The following KAT6B variants were observed in gnomAD, a reference collection of about 807,000 sequenced individuals.
KAT6B encodes histone acetyltransferase KAT6B.
In KAT6B, 10 loss-of-function variants were observed where a neutral mutation model predicts 187.5. The ratio of observed to expected loss-of-function variants is 0.05; its 90% CI spans 0.03 to 0.09. The LOEUF is 0.09. KAT6B is among the 10% of genes least tolerant of loss of function. The probability of loss-of-function intolerance (pLI) is 1.00; values close to 1 mark genes in which losing one functional copy is unlikely to be tolerated. For synonymous variants in KAT6B, 861 were observed against 926.8 expected (o/e 0.93, Z 1.29); for missense variants, 1,952 against 2,558.9 (o/e 0.76, Z 5.12).
intron 3 of KAT6B, among the ~76,000 whole-genome samples, chr10:74,893,610 C>T (rs2132666890): frequency 6.6e-6 from 1 of 151,732 alleles, no homozygotes; most frequent in Non-Finnish European, 1.5e-5. Context: ...GCTGGGATTA[C>T]AGGCATGCAC....
chr10:74,869,000 A>G (rs576111751), intron 3 of KAT6B, among the ~76,000 whole-genome samples: 2 of 152,330 alleles, frequency 1.3e-5, no homozygotes, highest in Admixed American at 6.5e-5. Context: ...CAGTTTTACA[A>G]TGAAGCTTAA....
intron 3 of KAT6B, among the ~76,000 whole-genome samples, chr10:74,899,931 A>T (rs1407494974): frequency 6.6e-6 from 1 of 152,212 alleles, no homozygotes; most frequent in Non-Finnish European, 1.5e-5. Flanking sequence ...ATTACACATG[A>T]AACAGTAAGA....
At chr10:74,849,530 T>C (rs1842334225) in intron 3 of KAT6B, among the ~76,000 whole-genome samples, 1 of 152,298 alleles carries the variant, frequency 6.6e-6, no homozygotes, top group Non-Finnish European at 1.5e-5. Flanking sequence ...TGATCTCAAG[T>C]GATCCGCCTG....
chr10:74,935,788 C>T (rs1010712469), intron 3 of KAT6B, among the ~76,000 whole-genome samples: 3 of 152,188 alleles, frequency 2.0e-5, no homozygotes, highest in Non-Finnish European at 2.9e-5. Flanking sequence ...TATGTATGGA[C>T]ACTTGCATGC....
At position 74,843,276 on chromosome 10, in the gene KAT6B, C is replaced by T; in HGVS notation, c.419C>T (p.Thr140Ile). 1 of 1,614,054 alleles carries T rather than the reference C, an allele frequency of 6.2e-7. No homozygotes were observed. Among genetic ancestry groups the T allele is most frequent in the Non-Finnish European group, 8.5e-7 (1 of 1,180,012 alleles). The change falls in exon 3 of 18, where the codon ACA becomes ATA. Residue 140 changes from threonine to isoleucine, a missense_variant. Thr to Ile is a moderately conservative substitution (Grantham distance 89, BLOSUM62 -1). Transcript: ENST00000287239. ...EKYLRSQSDLTSTTNNPAFQQ... is the reference protein window; with the variant it reads ...EKYLRSQSDLISTTNNPAFQQ... ...TATCTCAGAAGTCAAAGTGATCTCA[C>T]AAGCACCACCAACAACCCAGCCTTT...
Position 74,970,013 on chromosome 10 carries a change from A to C in KAT6B, c.847-7A>C. On this transcript the variant is annotated splice_polypyrimidine_tract_variant and splice_region_variant and intron_variant, in intron 5 of 17. Transcript: ENST00000287239. Reference sequence around the variant, plus strand: ...TCTCAATTAGTCTCTAATATGTTATATTACAGGATAATATGCTTTTTTGTG... The same window carrying C: ...TCTCAATTAGTCTCTAATATGTTATCTTACAGGATAATATGCTTTTTTGTG... The C allele has an allele frequency of 6.3e-7, 1 of 1,596,694 alleles. No individual in the cohort carries two copies. Among genetic ancestry groups the C allele is most frequent in the South Asian group, 1.1e-5 (1 of 90,632 alleles).
At chr10:74,933,026 C>G (rs1387916791) in intron 3 of KAT6B, among the ~76,000 whole-genome samples, 1 of 152,056 alleles carries the variant, frequency 6.6e-6, no homozygotes. Context: ...ACCATTTTTT[C>G]CTGTGTTGTT....
Position 75,030,154 on chromosome 10 carries a change from C to T in KAT6B, c.5330C>T (p.Pro1777Leu), listed in dbSNP as rs769628283. The T allele has an allele frequency of 6.2e-7, 1 of 1,614,268 alleles. No homozygotes were observed. The highest frequency in any genetic ancestry group is 1.1e-5 in the South Asian group (1 of 91,086). ...AQCSMAANFT[P>L]PMQLAEIPET... ...TGCAGCATGGCTGCTAACTTCACCC[C>T]ACCCATGCAGCTGGCTGAAATCCCC... The change falls in exon 18 of 18, where the codon CCA (proline) becomes CTA (leucine). Residue 1777 changes from proline (P) to leucine (L), a missense_variant. Physicochemically the swap from Pro to Leu is moderately conservative, Grantham distance 98. Coordinates refer to ENST00000287239, the MANE Select transcript of KAT6B (RefSeq NM_012330.4). The surrounding 1 kb of genome is among the most constrained non-coding windows in gnomAD (Gnocchi z 4.8).
intron 2 of KAT6B, among the ~76,000 whole-genome samples, chr10:74,840,871 A>G (rs548380938): frequency 4.5e-4 from 68 of 152,334 alleles, no homozygotes; most frequent in Non-Finnish European, 7.5e-4. Flanking sequence ...ACATTCCAGG[A>G]TCTCTGAGAG....
At chr10:74,857,745 G>A (rs1842912919) in intron 3 of KAT6B, among the ~76,000 whole-genome samples, 1 of 152,190 alleles carries the variant, frequency 6.6e-6, no homozygotes, top group Non-Finnish European at 1.5e-5. Context: ...AGGGCCAGGT[G>A]CAGGTAGCTC....
chr10:74,850,464 G>A (rs772640504), intron 3 of KAT6B, among the ~76,000 whole-genome samples: 1 of 152,070 alleles, frequency 6.6e-6, no homozygotes, highest in Non-Finnish European at 1.5e-5. Flanking sequence ...AAATAGAAGG[G>A]CTCCTTCCTT....
chr10:74,915,491 A>G (rs1847605966), intron 3 of KAT6B, among the ~76,000 whole-genome samples: 1 of 152,158 alleles, frequency 6.6e-6, no homozygotes, highest in Admixed American at 6.5e-5. Context: ...GGACTTTCTG[A>G]CTAGGTTCTG....
Position 75,021,926 on chromosome 10 carries a change from C to G in KAT6B, c.3067C>G (p.Gln1023Glu), listed in dbSNP as rs1351390091. 6.2e-7 allele frequency: 1 copy of G among 1,614,054 alleles called. No homozygotes were observed. Among genetic ancestry groups the G allele is most frequent in the East Asian group, 2.2e-5 (1 of 44,894 alleles). Residue 1023 changes from glutamine (Q) to glutamate (E), a missense_variant, in exon 16 of 18, where the codon CAA becomes GAA. Around this residue, in one of 9 missense-constraint regions of KAT6B, gnomAD observed 758 missense variants for 891.4 expected, o/e 0.85. Coordinates refer to ENST00000287239, the MANE Select transcript of KAT6B (RefSeq NM_012330.4). Reference protein sequence around the residue: ...EQASCWEKEEQEILSTRANSR... With the variant: ...EQASCWEKEEEEILSTRANSR... ...AGCTAGCTGCTGGGAGAAGGAGGAA[C>G]AAGAAATCCTGTCAACTAGAGCTAA... is the stretch of plus-strand genomic sequence containing the variant.
chr10:75,029,391 G>A lies in KAT6B; in HGVS notation c.4567G>A (p.Val1523Ile), dbSNP rs760322602. Residue 1523 changes from valine to isoleucine, a missense_variant, in exon 18 of 18, where the codon GTC becomes ATC. By Grantham distance (29) the Val-to-Ile change is conservative (BLOSUM62 3). Transcript: ENST00000287239. This position sits in a 1 kb window ranked among gnomAD's most constrained non-coding sequence, Gnocchi z 6.2. ...QKQDQKNSKE[V>I]DTEFKEGNPA... ...GCAGGACCAAAAGAACAGCAAGGAAGTCGATACAGAGTTCAAAGAGGGAAA... is the reference window on the plus strand; with the variant it reads ...GCAGGACCAAAAGAACAGCAAGGAAATCGATACAGAGTTCAAAGAGGGAAA... 6.2e-7 allele frequency: 1 copy of A among 1,614,126 alleles called. No individual in the cohort carries two copies. Among genetic ancestry groups the A allele is most frequent in the South Asian group, 1.1e-5 (1 of 91,080 alleles).
intron 4 of KAT6B, among the ~76,000 whole-genome samples, chr10:74,968,613 C>CT (rs1287227637): frequency 1.6e-4 from 24 of 151,938 alleles, no homozygotes; most frequent in Non-Finnish European, 2.8e-4. Flanking sequence ...GCAGAATCTG[C>CT]TTTTTTTTAT....
At chr10:74,977,158 G>T in intron 8 of KAT6B, 158 bp from the exon 9 acceptor site, 1 of 629,660 alleles carries the variant, frequency 1.6e-6, no homozygotes, top group East Asian at 3.1e-5. Context: ...GATACTGCTG[G>T]ATCTATGAGC....
intron 3 of KAT6B, among the ~76,000 whole-genome samples, chr10:74,905,650 A>G (rs1846704411): frequency 6.6e-6 from 1 of 152,200 alleles, no homozygotes; most frequent in South Asian, 2.1e-4. Flanking sequence ...GTCTCTGTAA[A>G]GCATTTAATA....
In KAT6B at chr10:74,842,676, ATTGCCTGT is replaced by A; in HGVS notation, c.-178_-171del. 1.5e-6 allele frequency: 1 copy of A among 678,680 alleles called. No homozygotes were observed. The highest frequency in any genetic ancestry group is 2.6e-6 in the Non-Finnish European group (1 of 391,872). 42.0% of individuals were successfully genotyped at this position (678,680 alleles called of 1,614,324 possible). Reference sequence around the variant, plus strand: ...TTGGTAAAATAAGACAACCATCAACATTGCCTGTTTGTCTGCTTTTGAATCTCTTAAGG... The same window carrying A: ...TTGGTAAAATAAGACAACCATCAACATTGTCTGCTTTTGAATCTCTTAAGG... On this transcript the variant is annotated 5_prime_UTR_variant, in exon 3 of 18. Transcript: ENST00000287239.
At chr10:74,837,161 T>C (rs2072681719) in intron 1 of KAT6B, among the ~76,000 whole-genome samples, 1 of 152,224 alleles carries the variant, frequency 6.6e-6, no homozygotes, top group Non-Finnish European at 1.5e-5. Context: ...TGTTGATGTT[T>C]ATGTAATACC....
Sources: gnomAD v4.1 joint callset for allele counts (sites outside exome capture counted in the v4.1 genomes callset) on GRCh38, gnomAD v4.1.1 for gene constraint, gnomAD v4.1.1 regional missense constraint, Gnocchi (gnomAD v3.1) non-coding constraint, MANE v1.5 for transcripts, NCBI Gene and HGNC (gene_info 2026-07-23, HGNC 2026-07-21) for gene names.